Variants in FRMD3 observed in about 807,000 individuals in gnomAD.
The protein encoded by FRMD3 is FERM domain-containing protein 3.
Under a neutral mutation model 70.2 loss-of-function variants are expected in FRMD3, and 33 were observed. The ratio of observed to expected loss-of-function variants is 0.47; its 90% CI spans 0.36 to 0.63. FRMD3 has a LOEUF of 0.63. Ranked by LOEUF, FRMD3 falls within the 20% of genes least tolerant of loss-of-function variation. The probability of loss-of-function intolerance (pLI) is 0.00; values close to 1 mark genes in which losing one functional copy is unlikely to be tolerated. For missense variants in FRMD3, 632 were observed against 711.4 expected, an observed-to-expected ratio of 0.89 and a Z score of 1.27; for synonymous variants, 279 against 255.9, an observed-to-expected ratio of 1.09 and a Z score of -0.86.
At position 83,538,034 on chromosome 9, in the gene FRMD3, C is replaced by T. The variant is rs1375344300; in HGVS notation, c.147+51G>A. On this transcript the variant is annotated intron_variant, in intron 1 of 13. Coordinates refer to ENST00000304195, the MANE Select transcript of FRMD3 (RefSeq NM_174938.6). This position sits in a 1 kb window ranked among gnomAD's most constrained non-coding sequence, Gnocchi z 4.7. ...CTCGCATGCCCACCGCAAAGGCCCC[C>T]CGCCCTGCTCCCGGCGTGTGCCCCG... is the stretch of plus-strand genomic sequence containing the variant. The T allele has an allele frequency of 3.1e-6, 5 of 1,595,964 alleles. No individual in the cohort carries two copies. Among genetic ancestry groups the T allele is most frequent in the African/African-American group, 1.3e-5 (1 of 74,366 alleles).
At chr9:83,248,972 A>G (rs1044942962) in intron 13 of FRMD3, among the ~76,000 whole-genome samples, 2 of 152,142 alleles carry the variant, frequency 1.3e-5, no homozygotes, top group African/African-American at 4.8e-5. Context: ...TCTAGACACA[A>G]TTTTGTGTTC....
At position 83,246,700 on chromosome 9, in the gene FRMD3, A is replaced by G. The variant is rs1217127694; in HGVS notation, c.*1218T>C. ...ACACACACACGCACACTCACATACA[A>G]ACACATTTTTGAAGTTTCTTCTACA... On this transcript the variant is annotated 3_prime_UTR_variant, in exon 14 of 14. Transcript: ENST00000304195. 1.0e-6 allele frequency: 1 copy of G among 981,822 alleles called. No individual in the cohort carries two copies. The highest frequency in any genetic ancestry group is 1.8e-5 in the African/African-American group (1 of 56,356). The allele number at this position is 981,822 out of a possible 1,614,324, so 60.8% of individuals were successfully genotyped here.
intron 1 of FRMD3, among the ~76,000 whole-genome samples, chr9:83,485,257 G>T (rs1405159201): frequency 6.6e-6 from 1 of 152,182 alleles, no homozygotes; most frequent in Non-Finnish European, 1.5e-5. Context: ...ATGCCCTTCA[G>T]TAATTTGATG....
chr9:83,536,194 C>T (rs1414565133), intron 1 of FRMD3, among the ~76,000 whole-genome samples: 1 of 152,186 alleles, frequency 6.6e-6, no homozygotes, highest in Non-Finnish European at 1.5e-5. Context: ...TGAAACATAA[C>T]ATTTTAACCT....
At chr9:83,351,323 TACACACAC>T (rs56407249) in intron 3 of FRMD3, among the ~76,000 whole-genome samples, 2 of 143,876 alleles carry the variant, frequency 1.4e-5, no homozygotes, top group East Asian at 4.1e-4. Flanking sequence ...AAACTGATCA[TACACACAC>T]ACACACACAC....
chr9:83,271,106 TG>T (rs1464597313), intron 13 of FRMD3, among the ~76,000 whole-genome samples: 1 of 152,210 alleles, frequency 6.6e-6, no homozygotes, highest in Non-Finnish European at 1.5e-5. Context: ...ACTGGGTTCC[TG>T]ACATGGAATA....
intron 1 of FRMD3, among the ~76,000 whole-genome samples, chr9:83,468,513 C>A (rs1268201015): frequency 1.3e-5 from 2 of 152,136 alleles, no homozygotes; most frequent in African/African-American, 4.8e-5. Context: ...GACAGAACTT[C>A]AGGTTCCTAA....
chr9:83,541,587 C>T (rs1175803957), upstream of FRMD3, among the ~76,000 whole-genome samples: 1 of 152,188 alleles, frequency 6.6e-6, no homozygotes, highest in Non-Finnish European at 1.5e-5. Context: ...AGTGGCTGTT[C>T]TTTGTAGCAA....
intron 13 of FRMD3, among the ~76,000 whole-genome samples, chr9:83,275,037 A>G (rs536601313): frequency 1.3e-5 from 2 of 152,270 alleles, no homozygotes; most frequent in Non-Finnish European, 2.9e-5. Flanking sequence ...CAGGTTTGAG[A>G]CTGGGTTTTG....
At chr9:83,418,152 A>C (rs150577511) in intron 1 of FRMD3, among the ~76,000 whole-genome samples, 23 of 152,248 alleles carry the variant, frequency 1.5e-4, no homozygotes, top group African/African-American at 4.3e-4. Flanking sequence ...AGAAGGGGAC[A>C]TATTCACGAA....
At chr9:83,398,616 C>CACATGTATACATACATAACAAACATG in intron 1 of FRMD3, among the ~76,000 whole-genome samples, 2 of 152,094 alleles carry the variant, frequency 1.3e-5, no homozygotes, top group Non-Finnish European at 2.9e-5. Context: ...CATAACAAAC[C>CACATGTATACATACATAACAAACATG]TGCACGTTGT....
chr9:83,582,523 C>G, the FRMD3 span, among the ~76,000 whole-genome samples: 1 of 152,088 alleles, frequency 6.6e-6, no homozygotes, highest in Admixed American at 6.6e-5. Context: ...TAGTAACTCC[C>G]ATTATATTGG....
chr9:83,575,840 C>G, the FRMD3 span, among the ~76,000 whole-genome samples: 1 of 152,060 alleles, frequency 6.6e-6, no homozygotes, highest in East Asian at 1.9e-4. Flanking sequence ...AGAATTAATA[C>G]CAATTTTTCA....
intron 10 of FRMD3, among the ~76,000 whole-genome samples, chr9:83,299,843 T>C (rs941942152): frequency 6.6e-6 from 1 of 152,208 alleles, no homozygotes; most frequent in Non-Finnish European, 1.5e-5. Flanking sequence ...CTCTGAGCCC[T>C]ACTCGTAAAT....
chr9:83,378,958 C>A (rs981478257), intron 2 of FRMD3, among the ~76,000 whole-genome samples: 1 of 149,430 alleles, frequency 6.7e-6, no homozygotes, highest in Non-Finnish European at 1.5e-5. Flanking sequence ...AAACTCCTGA[C>A]CTCAAGTGAT....
intron 1 of FRMD3, among the ~76,000 whole-genome samples, chr9:83,503,958 C>T (rs957029135): frequency 6.6e-6 from 1 of 152,188 alleles, no homozygotes; most frequent in Non-Finnish European, 1.5e-5. Flanking sequence ...CTCAGGGGAA[C>T]CAGCTGCTCT....
chr9:83,430,779 C>T (rs779274450), intron 1 of FRMD3, among the ~76,000 whole-genome samples: 9 of 152,290 alleles, frequency 5.9e-5, no homozygotes, highest in Admixed American at 1.3e-4. Context: ...GAAAAGCTGG[C>T]CTCTTGAAAA....
chr9:83,494,750 A>G (rs1012494523), intron 1 of FRMD3, among the ~76,000 whole-genome samples: 1 of 152,158 alleles, frequency 6.6e-6, no homozygotes, highest in Non-Finnish European at 1.5e-5. Flanking sequence ...ACAACAACAA[A>G]AAAAATGTTT....
At chr9:83,465,728 G>A (rs1007635411) in intron 1 of FRMD3, among the ~76,000 whole-genome samples, 3 of 152,112 alleles carry the variant, frequency 2.0e-5, no homozygotes, top group Non-Finnish European at 4.4e-5. Context: ...AGCTACGTCC[G>A]CTGCACTGAA....
Sources: gnomAD v4.1 joint callset for allele counts (sites outside exome capture counted in the v4.1 genomes callset) on GRCh38, gnomAD v4.1.1 for gene constraint, Gnocchi (gnomAD v3.1) non-coding constraint, MANE v1.5 for transcripts, NCBI Gene and HGNC (gene_info 2026-07-23, HGNC 2026-07-21) for gene names.